The following TSKS variants were observed in gnomAD, a reference collection of about 807,000 sequenced individuals.
TSKS encodes testis-specific serine kinase substrate.
TSKS carries 27 observed loss-of-function variants against 68.0 expected under a neutral mutation model. That is an observed-to-expected ratio of 0.40 (90% CI 0.29 to 0.55). The LOEUF is 0.55. Among genes scored for constraint, TSKS ranks in the 20% least tolerant of loss-of-function variants. The probability of loss-of-function intolerance (pLI) is 0.53; values close to 1 mark genes in which losing one functional copy is unlikely to be tolerated. For missense variants in TSKS, 806 were observed against 776.0 expected, an observed-to-expected ratio of 1.04 and a Z score of -0.46; for synonymous variants, 331 against 340.4, an observed-to-expected ratio of 0.97 and a Z score of 0.30.
chr19:49,751,362 A>T (rs1410251212), intron 2 of TSKS, among the ~76,000 whole-genome samples: 1 of 152,004 alleles, frequency 6.6e-6, no homozygotes, highest in Non-Finnish European at 1.5e-5. Flanking sequence ...AAAACAATGA[A>T]AAAACTAACA....
In TSKS at chr19:49,740,144, C is replaced by G; in HGVS notation, c.1537G>C (p.Glu513Gln). The change falls in exon 10 of 11, where the codon GAG becomes CAG. Residue 513 changes from glutamate to glutamine, a missense_variant. Transcript: ENST00000246801. ...AGCCGAAGGGTGGAGCTCAGGGCCTCTGCCCTGACGTGTTTGGCTAAGGCC... is the reference window on the plus strand; with the variant it reads ...AGCCGAAGGGTGGAGCTCAGGGCCTGTGCCCTGACGTGTTTGGCTAAGGCC... ...RQALAKHVRA[E>Q]ALSSTLRLAQ... 6.2e-7 allele frequency: 1 copy of G among 1,614,072 alleles called. No homozygotes were observed. Among genetic ancestry groups the G allele is most frequent in the Non-Finnish European group, 8.5e-7 (1 of 1,180,020 alleles).
At chr19:49,753,505 T>C (rs2084367581) in intron 2 of TSKS, among the ~76,000 whole-genome samples, 1 of 151,072 alleles carries the variant, frequency 6.6e-6, no homozygotes, top group Admixed American at 6.6e-5. Flanking sequence ...GAGCTTGCAG[T>C]GAGCCGAGAT....
Position 49,744,246 on chromosome 19 carries a change from C to A in TSKS, c.1346G>T (p.Cys449Phe), listed in dbSNP as rs765098004. ...MNLDRSHQGN[C>F]ARCASQGSQL... ...GCCCCGTTACCTGGCACAGCGGGCA[C>A]AGTTGCCTTGGTGGGACCGATCCAG... Residue 449 changes from cysteine (C) to phenylalanine (F), a missense_variant, in exon 8 of 11, where the codon TGT becomes TTT. By Grantham distance (205) the Cys-to-Phe change is radical. Transcript: ENST00000246801. The A allele has an allele frequency of 6.2e-7, 1 of 1,612,834 alleles. No homozygotes were observed. Among genetic ancestry groups the A allele is most frequent in the Admixed American group, 1.7e-5 (1 of 59,960 alleles).
At chr19:49,746,982 C>T (rs1196389779) in intron 5 of TSKS, among the ~76,000 whole-genome samples, 184 bp from the exon 6 acceptor site, 2 of 152,224 alleles carry the variant, frequency 1.3e-5, no homozygotes, top group Non-Finnish European at 2.9e-5. Context: ...CAGTTGGACT[C>T]CAATTCCCGC....
chr19:49,746,903 C>G, intron 5 of TSKS, 105 bp from the exon 6 acceptor site: 18 of 1,520,010 alleles, frequency 1.2e-5, no homozygotes, highest in Non-Finnish European at 1.5e-5. Context: ...GGAAGTAGAA[C>G]GCCTGTGGGG....
At chr19:49,742,156 G>A in intron 8 of TSKS, 136 bp from the exon 9 acceptor site, 1 of 916,132 alleles carries the variant, frequency 1.1e-6, no homozygotes, top group South Asian at 1.6e-5. Flanking sequence ...AGCATGCACT[G>A]TGCACCAGCT....
intron 2 of TSKS, among the ~76,000 whole-genome samples, chr19:49,760,826 C>T (rs1242799344): frequency 3.3e-5 from 5 of 151,786 alleles, no homozygotes; most frequent in Admixed American, 1.3e-4. Flanking sequence ...TGGTGGCTCA[C>T]GCCTGTAATC....
At chr19:49,739,994 AG>A in intron 10 of TSKS, 62 bp from the exon 11 acceptor site, 5 of 1,610,076 alleles carry the variant, frequency 3.1e-6, no homozygotes, top group Non-Finnish European at 4.2e-6. Context: ...TTGGAGTGGA[AG>A]GGGAGATCAG....
rs556771434 is a variant in TSKS, at chr19:49,760,723, G to C, written c.399+1281C>G. ...GAGGATCCTTTGAACCCAGGAGTTC[G>C]AGGCTGCAGTGAGTTGTGATTGTGC... On this transcript the variant is annotated intron_variant, in intron 2 of 10. Transcript: ENST00000246801. 2.0e-3 allele frequency among the ~76,000 whole-genome samples: 308 copies of C among 152,104 alleles called. 5 individuals carry two copies. The highest frequency in any genetic ancestry group is 5.6e-4 in the Non-Finnish European group (38 of 68,004).
At chr19:49,742,112 C>T in intron 8 of TSKS, 92 bp from the exon 9 acceptor site, 1 of 1,494,242 alleles carries the variant, frequency 6.7e-7, no homozygotes, top group Non-Finnish European at 9.1e-7. Flanking sequence ...TCCATTTGGC[C>T]TCGTTTCCAG....
At chr19:49,750,553 G>A (rs1440682076) in intron 2 of TSKS, among the ~76,000 whole-genome samples, 2 of 152,048 alleles carry the variant, frequency 1.3e-5, no homozygotes, top group South Asian at 2.1e-4. Context: ...CACCGTGCCC[G>A]GCCTATCATT....
chr19:49,744,379 C>A lies in TSKS; in HGVS notation c.1213G>T (p.Ala405Ser). 4.3e-6 allele frequency: 7 copies of A among 1,614,034 alleles called. No individual in the cohort carries two copies. The highest frequency in any genetic ancestry group is 5.9e-6 in the Non-Finnish European group (7 of 1,179,990). ...TMVERSAVSV[A>S]SLRSELEGLG... ...CCCTCCAGTTCGCTCCTCAGTGAAGCCACAGACACTGCTGACCGCTCCACC... is the reference window on the plus strand; with the variant it reads ...CCCTCCAGTTCGCTCCTCAGTGAAGACACAGACACTGCTGACCGCTCCACC... Residue 405 changes from alanine to serine, a missense_variant, in exon 8 of 11, where the codon GCT (alanine) becomes TCT (serine). Physicochemically the swap from Ala to Ser is moderately conservative, Grantham distance 99. Coordinates refer to ENST00000246801, the MANE Select transcript of TSKS (RefSeq NM_021733.2).
chr19:49,740,675 A>C (rs926510650), intron 9 of TSKS, among the ~76,000 whole-genome samples: 1 of 151,044 alleles, frequency 6.6e-6, no homozygotes, highest in African/African-American at 2.4e-5. Context: ...CTTAAGGTCA[A>C]GAGTTCGAGA....
intron 7 of TSKS, among the ~76,000 whole-genome samples, chr19:49,744,712 T>A (rs1466319414): frequency 6.6e-6 from 1 of 151,954 alleles, no homozygotes; most frequent in Non-Finnish European, 1.5e-5. Context: ...GCCTCCCGAG[T>A]GGCTAGGACT....
chr19:49,744,284 G>C lies in TSKS; in HGVS notation c.1308C>G (p.Asp436Glu). 1.2e-6 allele frequency: 2 copies of C among 1,614,112 alleles called. No homozygotes were observed. Among genetic ancestry groups the C allele is most frequent in the Non-Finnish European group, 1.7e-6 (2 of 1,180,026 alleles). Residue 436 changes from aspartate (D) to glutamate (E), a missense_variant, in exon 8 of 11, where the codon GAC becomes GAG. Asp to Glu is a conservative substitution (Grantham distance 45). Transcript: ENST00000246801. ...GGGACCGATCCAGGTTCATGGAGAG[G>C]TCAGGCCCTCTTCGAGAGTTCTGAA... is the stretch of plus-strand genomic sequence containing the variant. Reference protein sequence around the residue: ...RQFQNSRRGPDLSMNLDRSHQ... With the variant: ...RQFQNSRRGPELSMNLDRSHQ...
At chr19:49,742,205 C>CT (rs966762666) in intron 8 of TSKS, among the ~76,000 whole-genome samples, 185 bp from the exon 9 acceptor site, 359 of 149,090 alleles carry the variant, frequency 2.4e-3, no homozygotes, top group East Asian at 0.022. Context: ...ATCACTACTC[C>CT]TTTTTTTTTT....
chr19:49,749,858 T>G (rs2084334372), intron 2 of TSKS, among the ~76,000 whole-genome samples: 1 of 152,156 alleles, frequency 6.6e-6, no homozygotes, highest in Non-Finnish European at 1.5e-5. Context: ...GTGATCCTTT[T>G]GTGTCTGCCT....
intron 2 of TSKS, among the ~76,000 whole-genome samples, chr19:49,750,970 A>G (rs1407043477): frequency 6.6e-6 from 1 of 152,162 alleles, no homozygotes; most frequent in African/African-American, 2.4e-5. Context: ...GAAGTGGAAT[A>G]AGAAATATTG....
chr19:49,749,753 G>T (rs1040787607), intron 2 of TSKS, among the ~76,000 whole-genome samples: 2 of 152,016 alleles, frequency 1.3e-5, no homozygotes, highest in Admixed American at 6.6e-5. Context: ...TAAGAGTATA[G>T]GTGCTTGCTA....
Sources: gnomAD v4.1 joint callset for allele counts (sites outside exome capture counted in the v4.1 genomes callset) on GRCh38, gnomAD v4.1.1 for gene constraint, MANE v1.5 for transcripts, NCBI Gene and HGNC (gene_info 2026-07-23, HGNC 2026-07-21) for gene names.